The following ACOX3 variants were observed in gnomAD, a reference collection of about 807,000 sequenced individuals.
ACOX3 encodes acyl-CoA oxidase 3, pristanoyl.
A neutral mutation model predicts 81.5 loss-of-function variants in ACOX3; 73 were observed. The observed-to-expected ratio is 0.90, with a 90% CI of 0.74 to 1.09. The LOEUF (loss-of-function observed/expected upper bound fraction) is 1.09, where lower values mean the gene tolerates loss of function less well. Among genes scored for constraint, ACOX3 ranks in the 50% least tolerant of loss-of-function variants. The pLI, the probability that ACOX3 is intolerant of heterozygous loss-of-function variation, is 0.00. For missense variants in ACOX3, 947 were observed against 928.0 expected (o/e 1.02, Z -0.27); for synonymous variants, 387 against 375.1 (o/e 1.03, Z -0.37).
intron 14 of ACOX3, among the ~76,000 whole-genome samples, chr4:8,376,792 G>C (rs1013045956): frequency 2.0e-5 from 3 of 152,146 alleles, no homozygotes; most frequent in Admixed American, 6.5e-5. Context: ...TGGTTTTGGT[G>C]AGTGAGGGCT....
chr4:8,440,520 C>CTT (rs1487843078), intron 1 of ACOX3, 128 bp downstream of exon 1: 1 of 317,630 alleles, frequency 3.1e-6, no homozygotes, highest in Non-Finnish European at 5.7e-6. Flanking sequence ...GGCTCCCTGA[C>CTT]TTTTATCGGT....
intron 5 of ACOX3, among the ~76,000 whole-genome samples, chr4:8,411,131 T>C (rs953710748): frequency 3.3e-5 from 5 of 152,138 alleles, no homozygotes; most frequent in African/African-American, 1.2e-4. Context: ...TGCTGCATAA[T>C]GTGGCCGGGA....
intron 5 of ACOX3, 101 bp from the exon 6 acceptor site, chr4:8,410,456 C>T: frequency 6.8e-7 from 1 of 1,467,646 alleles, no homozygotes; most frequent in Non-Finnish European, 9.3e-7. Context: ...CGTTCAAAAT[C>T]TCTGAGGCAA....
At chr4:8,396,031 C>T (rs1719654443) in intron 9 of ACOX3, among the ~76,000 whole-genome samples, 2 of 152,222 alleles carry the variant, frequency 1.3e-5, no homozygotes, top group African/African-American at 4.8e-5. Flanking sequence ...ACCCAGAGCA[C>T]AGGGCACGTT....
chr4:8,381,702 G>A lies in ACOX3; in HGVS notation c.1538-95C>T. ...AGGGACAAGGCACTGCCAGCATCCT[G>A]CAGGTACCAGGTTGTCTTCATTGAC... On this transcript the variant is annotated intron_variant, in intron 13 of 17. Coordinates refer to ENST00000356406, the MANE Select transcript of ACOX3 (RefSeq NM_003501.3). The surrounding 1 kb of genome is among the most constrained non-coding windows in gnomAD (Gnocchi z 4.3). 1.1e-6 allele frequency: 1 copy of A among 896,700 alleles called. No homozygotes were observed. The highest frequency in any genetic ancestry group is 2.5e-5 in the East Asian group (1 of 40,152). The allele number at this position is 896,700 out of a possible 1,614,324, so 55.5% of individuals were successfully genotyped here.
chr4:8,393,726 C>T (rs1450731433), intron 10 of ACOX3, among the ~76,000 whole-genome samples: 2 of 152,028 alleles, frequency 1.3e-5, no homozygotes, highest in Non-Finnish European at 2.9e-5. Context: ...TGAGCTGAGG[C>T]CCTCCTCTGC....
intron 14 of ACOX3, among the ~76,000 whole-genome samples, chr4:8,378,602 G>A (rs10938709): frequency 0.33 from 49,584 of 151,688 alleles, 9,551 homozygotes; most frequent in South Asian, 0.46. Flanking sequence ...CTGCGGGGAC[G>A]CCATCGCCCA....
rs961754554 is a variant in ACOX3 at position 8,386,773 on chromosome 4, A to T, written c.1537+2400T>A. Among the ~76,000 whole-genome samples the T allele has an allele frequency of 1.3e-5, 2 of 152,114 alleles. No homozygotes were observed. The highest frequency in any genetic ancestry group is 2.9e-5 in the Non-Finnish European group (2 of 68,012). ...CGATGCTGACGGTGCGGGCAGGGGA[A>T]GGCGCTGGGAAGCCGGACCGGCCCA... On this transcript the variant is annotated intron_variant, in intron 13 of 17. Transcript: ENST00000356406. This position sits in a 1 kb window ranked among gnomAD's most constrained non-coding sequence, Gnocchi z 5.2.
chr4:8,374,733 T>C, intron 15 of ACOX3: 1 of 404,918 alleles, frequency 2.5e-6, no homozygotes. Flanking sequence ...GGGGGCCTTC[T>C]GGAAGTGTTC....
chr4:8,358,544 G>GACACTTAAGGC, the ACOX3 span, among the ~76,000 whole-genome samples: 1 of 152,208 alleles, frequency 6.6e-6, no homozygotes, highest in Non-Finnish European at 1.5e-5. Flanking sequence ...TGCATTCCCC[G>GACACTTAAGGC]ATGGTTAGGT....
intron 1 of ACOX3, among the ~76,000 whole-genome samples, chr4:8,425,003 T>G (rs1403444315): frequency 6.6e-6 from 1 of 151,974 alleles, no homozygotes; most frequent in Non-Finnish European, 1.5e-5. Flanking sequence ...GGAAAAAGGG[T>G]AAATATATAC....
intron 16 of ACOX3, among the ~76,000 whole-genome samples, chr4:8,372,339 ATCC>A: frequency 6.6e-6 from 1 of 152,212 alleles, no homozygotes; most frequent in African/African-American, 2.4e-5. Context: ...GCCTCCAGTG[ATCC>A]TCCTGCCTTG....
At chr4:8,396,679 GAAAA>G (rs531424752) in intron 9 of ACOX3, among the ~76,000 whole-genome samples, 1 of 100,682 alleles carries the variant, frequency 9.9e-6, no homozygotes. Flanking sequence ...CTCCGTCTGG[GAAAA>G]AAAAAAAAAA....
At chr4:8,371,542 A>T (rs1266865395) in intron 16 of ACOX3, among the ~76,000 whole-genome samples, 2 of 151,842 alleles carry the variant, frequency 1.3e-5, no homozygotes, top group African/African-American at 2.4e-5. Context: ...TGCAAAACAA[A>T]AATTATCCTT....
At chr4:8,411,225 A>C (rs1484312679) in intron 5 of ACOX3, among the ~76,000 whole-genome samples, 9 of 152,202 alleles carry the variant, frequency 5.9e-5, no homozygotes, top group Non-Finnish European at 1.0e-4. Flanking sequence ...CTCGGGAGAC[A>C]CTGATCCTCC....
At chr4:8,417,063 T>C (rs1294643327) in intron 1 of ACOX3, among the ~76,000 whole-genome samples, 1 of 152,260 alleles carries the variant, frequency 6.6e-6, no homozygotes, top group African/African-American at 2.4e-5. Flanking sequence ...GCTTCTGCAC[T>C]GGCTTCTCCT....
rs1313106348 is a variant in ACOX3 at position 8,406,024 on chromosome 4, A to AG, written c.706dup (p.Leu236ProfsTer23). 6.2e-7 allele frequency: 1 copy of AG among 1,614,028 alleles called. No homozygotes were observed. The highest frequency in any genetic ancestry group is 1.3e-5 in the African/African-American group (1 of 74,936). ...AACCATCACTCCAGGCATGGGAAGA[A>AG]GGGTCTTCGGGTCCCGGATCTATAC... On this transcript the variant is annotated frameshift_variant, in exon 7 of 18. Transcript: ENST00000356406. LOFTEE classifies it high-confidence loss of function. The surrounding 1 kb of genome is among the most constrained non-coding windows in gnomAD (Gnocchi z 5.6).
In ACOX3 at chr4:8,419,781, A is replaced by G. The variant is rs919177948; in HGVS notation, c.-14-3246T>C. Among the ~76,000 whole-genome samples the G allele has an allele frequency of 2.6e-5, 4 of 152,180 alleles. No individual in the cohort carries two copies. Among genetic ancestry groups the G allele is most frequent in the African/African-American group, 9.7e-5 (4 of 41,446 alleles). On this transcript the variant is annotated intron_variant, in intron 1 of 17. Coordinates refer to ENST00000356406, the MANE Select transcript of ACOX3 (RefSeq NM_003501.3). The surrounding 1 kb of genome is among the most constrained non-coding windows in gnomAD (Gnocchi z 4.2). ...ATACTGAGTGTTCAACACTGAATTC[A>G]GCCTCTCAGCCCTGACCCAGCTTCG...
Position 8,381,388 on chromosome 4 carries a change from G to T in ACOX3, c.1653+104C>A. On this transcript the variant is annotated intron_variant, in intron 14 of 17. Transcript: ENST00000356406. This position sits in a 1 kb window ranked among gnomAD's most constrained non-coding sequence, Gnocchi z 4.3. Reference sequence around the variant, plus strand: ...TCTGCCCAAGGTCACGGGAGCTCGGGGTCTGGGGCCTGAATTGCCAGGATG... The same window carrying T: ...TCTGCCCAAGGTCACGGGAGCTCGGTGTCTGGGGCCTGAATTGCCAGGATG... 1 of 1,012,192 alleles carries T rather than the reference G, an allele frequency of 9.9e-7. No homozygotes were observed. Among genetic ancestry groups the T allele is most frequent in the Non-Finnish European group, 1.5e-6 (1 of 666,620 alleles). The allele number at this position is 1,012,192 out of a possible 1,614,324, so 62.7% of individuals were successfully genotyped here. A position where few individuals can be genotyped will look rare whatever the true frequency, so the allele number is the denominator to read the frequency against.
Sources: allele counts gnomAD v4.1 joint callset (sites outside exome capture counted in the v4.1 genomes callset), GRCh38; gene constraint gnomAD v4.1.1; non-coding constraint Gnocchi (gnomAD v3.1); transcripts MANE v1.5; gene names NCBI Gene and HGNC (gene_info 2026-07-23, HGNC 2026-07-21).